MPP1: variants seen among roughly 807,000 people sequenced by gnomAD.
The protein encoded by MPP1 is 55 kDa erythrocyte membrane protein.
Under a neutral mutation model 38.2 loss-of-function variants are expected in MPP1, and 6 were observed. That is an observed-to-expected ratio of 0.16 (90% CI 0.09 to 0.31). MPP1 has a LOEUF of 0.31. Ranked by LOEUF, MPP1 falls within the 10% of genes least tolerant of loss-of-function variation. MPP1 has a pLI of 1.00. For synonymous variants in MPP1, 153 were observed against 146.3 expected, an observed-to-expected ratio of 1.05 and a Z score of -0.33; for missense variants, 293 against 368.9, an observed-to-expected ratio of 0.79 and a Z score of 1.69.
At chrX:154,786,076 T>A in intron 6 of MPP1, 128 bp downstream of exon 6, 2,134 of 415,113 alleles carry the variant, frequency 5.1e-3, no homozygotes, top group East Asian at 7.1e-3. Context: ...CCCCCACCCA[T>A]TATGCCAGGA....
At chrX:154,783,377 A>C in intron 9 of MPP1, 50 bp downstream of exon 9, 9 of 817,447 alleles carry the variant, frequency 1.1e-5, no homozygotes, top group Non-Finnish European at 8.7e-6. Context: ...TCAGATGGCG[A>C]GTGGTACCAG....
intron 1 of MPP1, among the ~76,000 whole-genome samples, chrX:154,799,080 C>T (rs2072233375): frequency 1.8e-5 from 2 of 111,918 alleles, no homozygotes; most frequent in African/African-American, 6.5e-5. Context: ...TTGCTTTTTA[C>T]ATGTCAGCCT....
intron 5 of MPP1, among the ~76,000 whole-genome samples, chrX:154,789,494 G>A (rs1232234085): frequency 8.9e-6 from 1 of 112,136 alleles, no homozygotes; most frequent in Non-Finnish European, 1.9e-5. Context: ...TTGCCAATTT[G>A]CTTGGTGAAA....
chrX:154,805,200 G>A lies in MPP1; in HGVS notation c.102+72C>T, dbSNP rs2072307312. 6.7e-6 allele frequency: 7 copies of A among 1,037,530 alleles called. No individual in the cohort carries two copies. In the Admixed American group the frequency reaches 1.0e-4, roughly 15 times the overall value. 85.5% of individuals were successfully genotyped at this position (1,037,530 alleles called of 1,213,427 possible). A position where few individuals can be genotyped will look rare whatever the true frequency, so the allele number is the denominator to read the frequency against. On this transcript the variant is annotated intron_variant, in intron 1 of 11. Coordinates refer to ENST00000369534, the MANE Select transcript of MPP1 (RefSeq NM_002436.4). Reference sequence around the variant, plus strand: ...ACAGGCCCCCCGGGGACAGGGACCGGGACAGGGAAAGTCCCGAGATGAATG... The same window carrying A: ...ACAGGCCCCCCGGGGACAGGGACCGAGACAGGGAAAGTCCCGAGATGAATG...
At chrX:154,791,147 G>A (rs1569558915) in intron 3 of MPP1, 79 bp from the exon 4 acceptor site, 6 of 821,360 alleles carry the variant, frequency 7.3e-6, no homozygotes, top group Admixed American at 2.5e-5. Context: ...AGATACCATA[G>A]AAGAGAAACC....
At chrX:154,794,004 C>T (rs1335251180) in intron 1 of MPP1, among the ~76,000 whole-genome samples, 1 of 111,839 alleles carries the variant, frequency 8.9e-6, no homozygotes, top group Non-Finnish European at 1.9e-5. Context: ...GAAGAGTACA[C>T]ACCTGTTATT....
At position 154,784,042 on chromosome X, in the gene MPP1, G is replaced by T; in HGVS notation, c.851C>A (p.Thr284Asn). 2 of 1,209,635 alleles carry T rather than the reference G, an allele frequency of 1.7e-6. No homozygotes were observed. Among genetic ancestry groups the T allele is most frequent in the Non-Finnish European group, 2.2e-6 (2 of 894,065 alleles). ...TGAGAAGATACCGATCAGCACCAGG[G>T]TCTTCCTCTTGAATGCAGGGAGCCG... is the stretch of plus-strand genomic sequence containing the variant. ...VVRLPAFKRK[T>N]LVLIGASGVG... is the part of the protein sequence containing the mutation. The change falls in exon 8 of 12, where the codon ACC (threonine) becomes AAC (asparagine). Residue 284 changes from threonine to asparagine, a missense_variant. Thr to Asn is a moderately conservative substitution (Grantham distance 65). Transcript: ENST00000369534.
intron 1 of MPP1, among the ~76,000 whole-genome samples, chrX:154,801,758 C>CAAAAAAAAGAAAAAA (rs2072264387): frequency 1.5e-4 from 1 of 6,851 alleles, no homozygotes; most frequent in Non-Finnish European, 2.2e-4. Context: ...AACTCTGTCT[C>CAAAAAAAAGAAAAAA]AAAAAAAAAA....
intron 8 of MPP1, 33 bp downstream of exon 8, chrX:154,783,991 AAGAC>A (rs1242254650): frequency 1.0e-5 from 12 of 1,169,575 alleles, no homozygotes; most frequent in African/African-American, 5.4e-5. Flanking sequence ...CAGGAAAACA[AAGAC>A]AGAAATGTGC....
rs782608927 is a variant in MPP1 at position 154,783,550 on chromosome X, G to A, written c.866-43C>T. On this transcript the variant is annotated intron_variant, in intron 8 of 11. Coordinates refer to ENST00000369534, the MANE Select transcript of MPP1 (RefSeq NM_002436.4). ...AACATCTTTTGGAAAGGGGGGAGAG[G>A]AGCGAGGATAAGATACGGATTTTCC... 1.5e-5 allele frequency: 16 copies of A among 1,082,352 alleles called. No homozygotes were observed. The South Asian group carries it at 2.9e-4, about 20-fold the overall frequency. 89.2% of individuals were successfully genotyped at this position (1,082,352 alleles called of 1,213,427 possible).
intron 11 of MPP1, among the ~76,000 whole-genome samples, chrX:154,779,971 G>A (rs1010976401): frequency 2.7e-5 from 3 of 112,303 alleles, no homozygotes; most frequent in Admixed American, 1.9e-4. Context: ...CGCCCGCCTC[G>A]GCCTCTCAAA....
At chrX:154,799,786 T>C in intron 1 of MPP1, 1 of 1,165,802 alleles carries the variant, frequency 8.6e-7, no homozygotes, top group African/African-American at 1.8e-5. Context: ...GCCTCTGGCC[T>C]TTAATCAGAC....
intron 7 of MPP1, among the ~76,000 whole-genome samples, chrX:154,784,531 C>A (rs781844866): frequency 2.7e-5 from 3 of 110,928 alleles, no homozygotes; most frequent in Non-Finnish European, 5.7e-5. Flanking sequence ...CTGGTGTCAT[C>A]CTGACTCTCC....
At position 154,780,385 on chromosome X, in the gene MPP1, T is replaced by C. The variant is rs5987024; in HGVS notation, c.1224+854A>G. Among the ~76,000 whole-genome samples, 883 of 112,692 alleles carry C rather than the reference T, an allele frequency of 7.8e-3. 9 individuals are homozygous for C. Among genetic ancestry groups the C allele is most frequent in the African/African-American group, 0.027 (846 of 31,012 alleles). On this transcript the variant is annotated intron_variant, in intron 11 of 11. Transcript: ENST00000369534. ...ACTCAGCAGAAAAATGAGCTAAGGG[T>C]ATGACCAGATAATTCTCAGAAAAGG...
intron 1 of MPP1, among the ~76,000 whole-genome samples, chrX:154,796,528 C>A (rs1383026766): frequency 8.9e-6 from 1 of 111,935 alleles, no homozygotes; most frequent in Admixed American, 9.5e-5. Flanking sequence ...ACAGGAGGCA[C>A]CAGCCAAAGA....
At position 154,791,817 on chromosome X, in the gene MPP1, A is replaced by G; in HGVS notation, c.277T>C (p.Ser93Pro). 8.3e-7 allele frequency: 1 copy of G among 1,210,780 alleles called. No individual in the cohort carries two copies. Among genetic ancestry groups the G allele is most frequent in the Non-Finnish European group, 1.1e-6 (1 of 894,588 alleles). ...TGAAGAATTCTGGCCACCGTACAGG[A>G]CTGTTTTTCATTCAGCTTCAGCGTG... ...GITLKLNEKQ[S>P]CTVARILHGG... The change falls in exon 3 of 12, where the codon TCC becomes CCC. Residue 93 changes from serine (S) to proline (P), a missense_variant. By Grantham distance (74) the Ser-to-Pro change is moderately conservative. Transcript: ENST00000369534.
intron 5 of MPP1, among the ~76,000 whole-genome samples, chrX:154,789,728 C>T (rs879962356): frequency 1.8e-5 from 2 of 111,226 alleles, no homozygotes; most frequent in Non-Finnish European, 3.8e-5. Context: ...CTCATTCATT[C>T]TCTACTCCTG....
Position 154,792,231 on chromosome X carries a change from G to A in MPP1, c.157C>T (p.Pro53Ser), listed in dbSNP as rs1557267835. Residue 53 changes from proline (P) to serine (S), a missense_variant, in exon 2 of 12, where the codon CCT becomes TCT. By Grantham distance (74) the Pro-to-Ser change is moderately conservative. Coordinates refer to ENST00000369534, the MANE Select transcript of MPP1 (RefSeq NM_002436.4). ...ACCTGGGCAGGGCTACCTGGGGCAG[G>A]AGACCCGTTGGTGTACATGTCCTCG... is the stretch of plus-strand genomic sequence containing the variant. ...VTEDMYTNGS[P>S]APGSPAQVKG... 8.3e-7 allele frequency: 1 copy of A among 1,211,932 alleles called. No individual in the cohort carries two copies. The highest frequency in any genetic ancestry group is 2.2e-5 in the Admixed American group (1 of 46,100).
intron 1 of MPP1, among the ~76,000 whole-genome samples, chrX:154,804,264 T>C (rs1433878590): frequency 8.9e-6 from 1 of 111,768 alleles, no homozygotes; most frequent in Non-Finnish European, 1.9e-5. Flanking sequence ...TTACTGTAAA[T>C]CCCAAATGTC....
Sources: gnomAD v4.1 joint callset for allele counts (sites outside exome capture counted in the v4.1 genomes callset) on GRCh38, gnomAD v4.1.1 for gene constraint, MANE v1.5 for transcripts, NCBI Gene and HGNC (gene_info 2026-07-23, HGNC 2026-07-21) for gene names.